VSNL1: variants seen among roughly 807,000 people sequenced by gnomAD.
VSNL1 encodes the protein visinin like 1.
Under a neutral mutation model 20.4 loss-of-function variants are expected in VSNL1, and 6 were observed. The ratio of observed to expected loss-of-function variants is 0.29; its 90% CI spans 0.16 to 0.58. The LOEUF (loss-of-function observed/expected upper bound fraction) is 0.58, where lower values mean the gene tolerates loss of function less well. Among genes scored for constraint, VSNL1 ranks in the 20% least tolerant of loss-of-function variants. VSNL1 has a pLI of 0.90. For missense variants in VSNL1, 100 were observed against 234.5 expected (o/e 0.43, Z 3.75); for synonymous variants, 93 against 86.4 (o/e 1.08, Z -0.42).
chr2:17,548,212 C>T (rs1017808787), intron 1 of VSNL1, among the ~76,000 whole-genome samples: 7 of 151,844 alleles, frequency 4.6e-5, no homozygotes, highest in African/African-American at 1.5e-4. Context: ...CACATTTCCC[C>T]CACCCCCACA....
At chr2:17,612,760 A>T (rs534014125) in intron 2 of VSNL1, among the ~76,000 whole-genome samples, 1 of 152,194 alleles carries the variant, frequency 6.6e-6, no homozygotes, top group African/African-American at 2.4e-5. Context: ...TGTTGCTGGA[A>T]GGGGACAGGC....
intron 2 of VSNL1, among the ~76,000 whole-genome samples, chr2:17,647,338 T>C (rs1398492856): frequency 1.3e-5 from 2 of 151,792 alleles, no homozygotes; most frequent in Non-Finnish European, 2.9e-5. Context: ...TGCTGGCGGG[T>C]AAACAGCACT....
chr2:17,600,902 C>A (rs1664806958), intron 2 of VSNL1, among the ~76,000 whole-genome samples: 1 of 152,182 alleles, frequency 6.6e-6, no homozygotes, highest in African/African-American at 2.4e-5. Flanking sequence ...CCATGTGAGG[C>A]TCCAACAGTA....
intron 2 of VSNL1, among the ~76,000 whole-genome samples, chr2:17,630,200 C>T (rs1665600821): frequency 6.6e-6 from 1 of 152,150 alleles, no homozygotes; most frequent in African/African-American, 2.4e-5. Flanking sequence ...TAAGTATGTA[C>T]CTTGGAGGTA....
At chr2:17,614,488 C>T (rs1665169527) in intron 2 of VSNL1, among the ~76,000 whole-genome samples, 1 of 152,224 alleles carries the variant, frequency 6.6e-6, no homozygotes, top group African/African-American at 2.4e-5. Flanking sequence ...GAAGCCAGCC[C>T]ATTGGGCTCC....
intron 3 of VSNL1, among the ~76,000 whole-genome samples, chr2:17,654,604 A>T (rs1213784028): frequency 2.6e-5 from 4 of 152,200 alleles, no homozygotes; most frequent in Non-Finnish European, 5.9e-5. Context: ...CACTTCCTCC[A>T]GCCAAAAACC....
chr2:17,599,443 G>A (rs1664780161), intron 2 of VSNL1, among the ~76,000 whole-genome samples: 1 of 152,234 alleles, frequency 6.6e-6, no homozygotes, highest in Non-Finnish European at 1.5e-5. Context: ...ACTGGGTCAA[G>A]TATGTTAGGT....
chr2:17,557,277 A>ATTCACTATG lies in VSNL1; in HGVS notation c.-6+16361_-6+16369dup, dbSNP rs1437175344. Among the ~76,000 whole-genome samples, 15 of 152,288 alleles carry ATTCACTATG rather than the reference A, an allele frequency of 9.8e-5. No homozygotes were observed. In the East Asian group the frequency reaches 2.9e-3, roughly 29 times the overall value. Reference sequence around the variant, plus strand: ...TTTACTCACTTCACCTTGTTTTTATATTCACTATGTAGCTTTTGTATGAGG... The same window carrying ATTCACTATG: ...TTTACTCACTTCACCTTGTTTTTATATTCACTATGTTCACTATGTAGCTTTTGTATGAGG... On this transcript the variant is annotated intron_variant, in intron 1 of 3. Coordinates refer to ENST00000295156, the MANE Select transcript of VSNL1 (RefSeq NM_003385.5).
rs1054754162 is a variant in VSNL1 at position 17,567,141 on chromosome 2, T to C, written c.-5-24929T>C. ...ATAAAAAATATACTTGGGATTTTTATTAGAATTGAATTGAGTGTTTATACT... is the reference window on the plus strand; with the variant it reads ...ATAAAAAATATACTTGGGATTTTTACTAGAATTGAATTGAGTGTTTATACT... On this transcript the variant is annotated intron_variant, in intron 1 of 3. Coordinates refer to ENST00000295156, the MANE Select transcript of VSNL1 (RefSeq NM_003385.5). 5.3e-5 allele frequency among the ~76,000 whole-genome samples: 8 copies of C among 152,304 alleles called. No individual in the cohort carries two copies. In the East Asian group the frequency reaches 1.5e-3, roughly 29 times the overall value.
chr2:17,626,101 G>A lies in VSNL1; in HGVS notation c.163-23309G>A, dbSNP rs187406232. On this transcript the variant is annotated intron_variant, in intron 2 of 3. Coordinates refer to ENST00000295156, the MANE Select transcript of VSNL1 (RefSeq NM_003385.5). ...CGCAAAAGACTGGGATTACAGGCATGAGCCACCAGGCCCAGCCCCTTGGCT... is the reference window on the plus strand; with the variant it reads ...CGCAAAAGACTGGGATTACAGGCATAAGCCACCAGGCCCAGCCCCTTGGCT... 1.1e-4 allele frequency among the ~76,000 whole-genome samples: 16 copies of A among 152,252 alleles called. No individual in the cohort carries two copies. The East Asian group carries it at 3.1e-3, about 29-fold the overall frequency.
upstream of VSNL1, chr2:17,540,593 G>C (rs879596898): frequency 2.6e-5 from 4 of 152,814 alleles, no homozygotes; most frequent in Admixed American, 6.5e-5. Context: ...CTGCGGAGCT[G>C]GGGGGAGGGA....
intron 2 of VSNL1, among the ~76,000 whole-genome samples, chr2:17,598,552 A>C (rs67596731): frequency 0.24 from 36,557 of 152,152 alleles, 5,744 homozygotes; most frequent in Middle Eastern, 0.49. Flanking sequence ...AAAGGACAAA[A>C]TCTATAAGTG....
At chr2:17,550,282 TAGATCTATGATAACTAGGTCTTC>T (rs1663501437) in intron 1 of VSNL1, among the ~76,000 whole-genome samples, 1 of 152,242 alleles carries the variant, frequency 6.6e-6, no homozygotes, top group South Asian at 2.1e-4. Flanking sequence ...GAAAGAATGA[TAGATCTATGATAACTAGGTCTTC>T]ACAGTTAAAT....
At position 17,656,484 on chromosome 2, in the gene VSNL1, T is replaced by C. The variant is rs1379662069; in HGVS notation, c.*1090T>C. The C allele has an allele frequency of 6.6e-6, 1 of 152,242 alleles. No homozygotes were observed. Among genetic ancestry groups the C allele is most frequent in the African/African-American group, 2.4e-5 (1 of 41,458 alleles). 9.4% of individuals were successfully genotyped at this position (152,242 alleles called of 1,614,324 possible). ...TGTTCAGTGCAACTACGTGGAGCTG[T>C]GCACACACAGCAGGTAGGCTGCAGG... is the stretch of plus-strand genomic sequence containing the variant. On this transcript the variant is annotated 3_prime_UTR_variant, in exon 4 of 4. Transcript: ENST00000295156.
chr2:17,606,005 G>C (rs1338954741), intron 2 of VSNL1, among the ~76,000 whole-genome samples: 2 of 152,122 alleles, frequency 1.3e-5, no homozygotes, highest in Non-Finnish European at 2.9e-5. Flanking sequence ...TCCTCATAAG[G>C]GTATTTGAGG....
At chr2:17,641,290 G>A (rs565009726) in intron 2 of VSNL1, among the ~76,000 whole-genome samples, 15 of 152,270 alleles carry the variant, frequency 9.9e-5, no homozygotes, top group Non-Finnish European at 1.9e-4. Context: ...CGAAGGGAGT[G>A]GTCTCATTCT....
At chr2:17,602,140 G>T (rs1184174664) in intron 2 of VSNL1, among the ~76,000 whole-genome samples, 1 of 152,186 alleles carries the variant, frequency 6.6e-6, no homozygotes, top group East Asian at 1.9e-4. Context: ...ACTCACCTAG[G>T]TGGGAGTCAG....
rs139881131 is a variant in VSNL1, at chr2:17,654,953, T to C, written c.379-244T>C. Reference sequence around the variant, plus strand: ...CAGGAGCACGTGCTTCCTAGCTCCATAGAACATACTCTTTAGTGGGGAAGA... The same window carrying C: ...CAGGAGCACGTGCTTCCTAGCTCCACAGAACATACTCTTTAGTGGGGAAGA... On this transcript the variant is annotated intron_variant, in intron 3 of 3. Coordinates refer to ENST00000295156, the MANE Select transcript of VSNL1 (RefSeq NM_003385.5). Among the ~76,000 whole-genome samples the C allele has an allele frequency of 3.8e-3, 583 of 152,318 alleles. 1 individual carries two copies. Among genetic ancestry groups the C allele is most frequent in the Non-Finnish European group, 4.7e-3 (318 of 68,024 alleles).
chr2:17,585,873 T>C (rs1410296036), intron 1 of VSNL1, among the ~76,000 whole-genome samples: 3 of 151,752 alleles, frequency 2.0e-5, no homozygotes, highest in African/African-American at 7.3e-5. Context: ...TGGTGCGATC[T>C]TGGCTCACTG....
Sources: allele counts gnomAD v4.1 joint callset (sites outside exome capture counted in the v4.1 genomes callset), GRCh38; gene constraint gnomAD v4.1.1; transcripts MANE v1.5; gene names NCBI Gene and HGNC (gene_info 2026-07-23, HGNC 2026-07-21).